The following SLC22A14 variants were observed in gnomAD, a reference collection of about 807,000 sequenced individuals.
SLC22A14 encodes the protein solute carrier family 22 member 14.
A neutral mutation model predicts 53.9 loss-of-function variants in SLC22A14; 50 were observed. The observed-to-expected ratio is 0.93, with a 90% CI of 0.74 to 1.17. The LOEUF (loss-of-function observed/expected upper bound fraction) is 1.17, where lower values mean the gene tolerates loss of function less well. Among genes scored for constraint, SLC22A14 ranks in the 50% most tolerant of loss-of-function variants. The probability of loss-of-function intolerance (pLI) is 0.00; values close to 1 mark genes in which losing one functional copy is unlikely to be tolerated. For synonymous variants in SLC22A14, 312 were observed against 303.0 expected (o/e 1.03, Z -0.31); for missense variants, 671 against 734.7 (o/e 0.91, Z 1.00).
intron 1 of SLC22A14, 68 bp from the exon 2 acceptor site, chr3:38,305,959 C>T (rs1186429792): frequency 4.7e-6 from 7 of 1,502,098 alleles, no homozygotes; most frequent in Non-Finnish European, 6.3e-6. Flanking sequence ...TCGGTGGCTC[C>T]CATGCTGGTC....
At chr3:38,283,707 G>A (rs777142947) in intron 1 of SLC22A14, among the ~76,000 whole-genome samples, 7 of 152,156 alleles carry the variant, frequency 4.6e-5, no homozygotes, top group Admixed American at 2.6e-4. Context: ...GCTTGCACCT[G>A]TAGTACCAGC....
At chr3:38,279,072 C>T (rs1420524973), upstream of SLC22A14, among the ~76,000 whole-genome samples, 1 of 152,212 alleles carries the variant, frequency 6.6e-6, no homozygotes, top group Non-Finnish European at 1.5e-5. Flanking sequence ...TCCTGCATGG[C>T]TGGTTCGGGG....
At chr3:38,318,134 C>A in intron 10 of SLC22A14, 64 bp from the exon 11 acceptor site, 1 of 1,490,726 alleles carries the variant, frequency 6.7e-7, no homozygotes, top group Non-Finnish European at 9.4e-7. Context: ...AAGGCACAAG[C>A]CGCTGCTTTT....
chr3:38,313,685 T>TGTGTGTGTGTGTGAGCGCGC, intron 7 of SLC22A14, 42 bp from the exon 8 acceptor site: 1 of 900,600 alleles, frequency 1.1e-6, no homozygotes, highest in Non-Finnish European at 1.8e-6. Flanking sequence ...TCCGTGTGTG[T>TGTGTGTGTGTGTGAGCGCGC]GCGCGCGTGT....
At chr3:38,306,876 G>A (rs373668053) in intron 2 of SLC22A14, among the ~76,000 whole-genome samples, 3 of 152,172 alleles carry the variant, frequency 2.0e-5, no homozygotes, top group Non-Finnish European at 4.4e-5. Flanking sequence ...CATCTCTTAC[G>A]GGGCTTCCCA....
At position 38,306,305 on chromosome 3, in the gene SLC22A14, C is replaced by G; in HGVS notation, c.279C>G (p.Ala93=). The change falls in exon 2 of 11, where the codon GCC becomes GCG. Residue 93 remains alanine, a synonymous_variant. Coordinates refer to ENST00000448498, the MANE Select transcript of SLC22A14 (RefSeq NM_001320033.2). The part of the protein sequence containing the change: ...FMFADHFVFT[A]QKPYCNTSWI... ...TTGCTGACCACTTCGTGTTCACAGCCCAGAAGCCCTATTGCAATACCAGCT... is the reference window on the plus strand; with the variant it reads ...TTGCTGACCACTTCGTGTTCACAGCGCAGAAGCCCTATTGCAATACCAGCT... 2 of 1,614,150 alleles carry G rather than the reference C, an allele frequency of 1.2e-6. No homozygotes were observed. Among genetic ancestry groups the G allele is most frequent in the Middle Eastern group, 3.3e-4 (2 of 6,062 alleles).
At chr3:38,284,119 C>G (rs1703734935) in intron 1 of SLC22A14, among the ~76,000 whole-genome samples, 1 of 152,200 alleles carries the variant, frequency 6.6e-6, no homozygotes, top group African/African-American at 2.4e-5. Context: ...TATGGAACAG[C>G]AGTCGCAGTC....
intron 1 of SLC22A14, among the ~76,000 whole-genome samples, chr3:38,291,790 C>T (rs1464008707): frequency 2.6e-5 from 4 of 152,224 alleles, no homozygotes; most frequent in African/African-American, 7.2e-5. Flanking sequence ...AAAGCTGCTT[C>T]TGCTTCAGGT....
At chr3:38,293,979 A>G (rs918869409) in intron 1 of SLC22A14, among the ~76,000 whole-genome samples, 1 of 152,208 alleles carries the variant, frequency 6.6e-6, no homozygotes, top group Non-Finnish European at 1.5e-5. Context: ...TAAAACATCA[A>G]TATAGCCATC....
At position 38,306,291 on chromosome 3, in the gene SLC22A14, T is replaced by C. The variant is rs1164094946; in HGVS notation, c.265T>C (p.Phe89Leu). 1 of 1,614,164 alleles carries C rather than the reference T, an allele frequency of 6.2e-7. No individual in the cohort carries two copies. The highest frequency in any genetic ancestry group is 1.7e-5 in the Admixed American group (1 of 60,030). Residue 89 changes from phenylalanine to leucine, a missense_variant, in exon 2 of 11, where the codon TTC becomes CTC. Coordinates refer to ENST00000448498, the MANE Select transcript of SLC22A14 (RefSeq NM_001320033.2). ...GGCCTTCTTCATGTTTGCTGACCAC[T>C]TCGTGTTCACAGCCCAGAAGCCCTA... The part of the protein sequence containing the change: ...MSAFFMFADH[F>L]VFTAQKPYCN...
At chr3:38,305,645 TTTTTGA>T in intron 1 of SLC22A14, 1 of 178,066 alleles carries the variant, frequency 5.6e-6, no homozygotes, top group South Asian at 1.5e-4. Context: ...TCTTTGTTTG[TTTTTGA>T]AGAAAAGGTC....
intron 9 of SLC22A14, among the ~76,000 whole-genome samples, chr3:38,315,925 G>A (rs1001140230): frequency 1.3e-5 from 2 of 152,212 alleles, no homozygotes; most frequent in Non-Finnish European, 2.9e-5. Flanking sequence ...AAAGGCACTC[G>A]ATTAAGGGCA....
At chr3:38,295,956 T>C (rs1411815317) in intron 1 of SLC22A14, among the ~76,000 whole-genome samples, 1 of 152,204 alleles carries the variant, frequency 6.6e-6, no homozygotes, top group Non-Finnish European at 1.5e-5. Context: ...CAAGACTCCC[T>C]GGGTTTATAG....
At chr3:38,301,391 C>T (rs1168743457) in intron 1 of SLC22A14, among the ~76,000 whole-genome samples, 1 of 152,158 alleles carries the variant, frequency 6.6e-6, no homozygotes, top group Non-Finnish European at 1.5e-5. Flanking sequence ...TGAGAAATGT[C>T]ACAGTATTGC....
rs747073641 is a variant in SLC22A14, at chr3:38,313,346, G to A, written c.1066-42G>A. The A allele has an allele frequency of 3.3e-6, 5 of 1,507,274 alleles. No homozygotes were observed. In the Admixed American group the frequency reaches 8.4e-5, roughly 25 times the overall value. The allele number at this position is 1,507,274 out of a possible 1,614,324, so 93.4% of individuals were successfully genotyped here. ...TGCTGTGGGGCTGGGGAGCAAGCTG[G>A]GGTCTTGGCCCTGCCTCTGACTGGT... On this transcript the variant is annotated intron_variant, in intron 6 of 10. Transcript: ENST00000448498.
At chr3:38,316,058 C>T (rs1007161035) in intron 9 of SLC22A14, among the ~76,000 whole-genome samples, 1 of 152,208 alleles carries the variant, frequency 6.6e-6, no homozygotes, top group African/African-American at 2.4e-5. Context: ...CTGAGGTTGG[C>T]GATGGGAGCA....
At chr3:38,286,603 G>C (rs770224058) in intron 1 of SLC22A14, among the ~76,000 whole-genome samples, 1 of 151,340 alleles carries the variant, frequency 6.6e-6, no homozygotes, top group African/African-American at 2.4e-5. Flanking sequence ...TAGAGACTGG[G>C]TTTCACCATG....
intron 1 of SLC22A14, among the ~76,000 whole-genome samples, chr3:38,287,318 T>G (rs935154417): frequency 3.3e-4 from 50 of 152,326 alleles, no homozygotes; most frequent in African/African-American, 1.1e-3. Context: ...TTTAAAATTT[T>G]GTGGTTAGCA....
chr3:38,316,651 A>G (rs1704631429), intron 10 of SLC22A14, 127 bp downstream of exon 10: 2 of 812,712 alleles, frequency 2.5e-6, no homozygotes, highest in East Asian at 2.7e-5. Context: ...GAAGGCTGCC[A>G]TGTCCGCAGC....
Sources: gnomAD v4.1 joint callset for allele counts (sites outside exome capture counted in the v4.1 genomes callset) on GRCh38, gnomAD v4.1.1 for gene constraint, MANE v1.5 for transcripts, NCBI Gene and HGNC (gene_info 2026-07-23, HGNC 2026-07-21) for gene names.